PTPRN2: variants seen among roughly 807,000 people sequenced by gnomAD.
PTPRN2 encodes the protein receptor-type tyrosine-protein phosphatase N2.
PTPRN2 carries 74 observed loss-of-function variants against 118.8 expected under a neutral mutation model. The observed-to-expected ratio is 0.62, with a 90% CI of 0.52 to 0.76. The LOEUF is 0.76. Ranked by LOEUF, PTPRN2 falls within the 30% of genes least tolerant of loss-of-function variation. The probability of loss-of-function intolerance (pLI) is 0.00; values close to 1 mark genes in which losing one functional copy is unlikely to be tolerated. For synonymous variants in PTPRN2, 641 were observed against 608.0 expected (o/e 1.05, Z -0.80); for missense variants, 1,481 against 1,394.4 (o/e 1.06, Z -0.99).
At chr7:158,528,497 G>T (rs546419272) in intron 1 of PTPRN2, among the ~76,000 whole-genome samples, 1 of 152,044 alleles carries the variant, frequency 6.6e-6, no homozygotes, top group African/African-American at 2.4e-5. Context: ...TTAGAACCAC[G>T]CATGCTGGGC....
rs1803519169 is a variant in PTPRN2, at chr7:157,779,078, C to T, written c.1789-96141G>A. Reference sequence around the variant, plus strand: ...TGCCGGGGTCTTCAGACAGTGCCCTCCCTGGGGTCTTGGGACCCTCAAGCA... The same window carrying T: ...TGCCGGGGTCTTCAGACAGTGCCCTTCCTGGGGTCTTGGGACCCTCAAGCA... On this transcript the variant is annotated intron_variant, in intron 12 of 22. Coordinates refer to ENST00000389418, the MANE Select transcript of PTPRN2 (RefSeq NM_002847.5). The surrounding 1 kb of genome is among the most constrained non-coding windows in gnomAD (Gnocchi z 4.7). Among the ~76,000 whole-genome samples, 1 of 152,220 alleles carries T rather than the reference C, an allele frequency of 6.6e-6. No individual in the cohort carries two copies. The highest frequency in any genetic ancestry group is 2.1e-4 in the South Asian group (1 of 4,828).
intron 10 of PTPRN2, among the ~76,000 whole-genome samples, chr7:158,084,014 C>T (rs1813052721): frequency 6.6e-6 from 1 of 150,572 alleles, no homozygotes; most frequent in South Asian, 2.1e-4. Context: ...TGTTCTGTGG[C>T]CCTCCTGGGC....
intron 3 of PTPRN2, among the ~76,000 whole-genome samples, chr7:158,248,693 C>T (rs959198438): frequency 4.8e-5 from 7 of 145,774 alleles, no homozygotes; most frequent in East Asian, 2.1e-4. Context: ...ACACCACACA[C>T]GTGCACACAC....
At chr7:157,577,967 G>A in intron 18 of PTPRN2, 54 bp downstream of exon 18, 3 of 1,511,388 alleles carry the variant, frequency 2.0e-6, no homozygotes, top group South Asian at 2.6e-5. Context: ...GAGGAGCAGG[G>A]CCCGTCCTCG....
chr7:157,709,747 C>T (rs2150885026), intron 12 of PTPRN2, among the ~76,000 whole-genome samples: 1 of 152,334 alleles, frequency 6.6e-6, no homozygotes, highest in South Asian at 2.1e-4. Flanking sequence ...CTTCTGAAGT[C>T]CCAGAGCACT....
At chr7:158,445,073 G>A (rs998050647) in intron 2 of PTPRN2, among the ~76,000 whole-genome samples, 2 of 152,164 alleles carry the variant, frequency 1.3e-5, no homozygotes, top group African/African-American at 4.8e-5. Flanking sequence ...CAGGAGGGCT[G>A]GGGAGAGCTG....
rs1827928327 is a variant in PTPRN2, at chr7:158,570,189, C to A, written c.112+17369G>T. Among the ~76,000 whole-genome samples, 2 of 152,178 alleles carry A rather than the reference C, an allele frequency of 1.3e-5. No homozygotes were observed. The highest frequency in any genetic ancestry group is 6.5e-5 in the Admixed American group (1 of 15,284). On this transcript the variant is annotated intron_variant, in intron 1 of 22. Transcript: ENST00000389418. This position sits in a 1 kb window ranked among gnomAD's most constrained non-coding sequence, Gnocchi z 4.5. ...CCTGGGCAGCCAGGCGGGGAGCGCGCAGCCACAGCCCGCGTTTCCGGGCTC... is the reference window on the plus strand; with the variant it reads ...CCTGGGCAGCCAGGCGGGGAGCGCGAAGCCACAGCCCGCGTTTCCGGGCTC...
At chr7:158,283,876 G>A (rs1039856598) in intron 3 of PTPRN2, among the ~76,000 whole-genome samples, 9 of 152,260 alleles carry the variant, frequency 5.9e-5, no homozygotes, top group South Asian at 4.2e-4. Flanking sequence ...TCACCACGTC[G>A]TTCAGAATCG....
rs956421246 is a variant in PTPRN2 at position 157,977,499 on chromosome 7, G to C, written c.1724-78762C>G. Among the ~76,000 whole-genome samples, 10 of 152,014 alleles carry C rather than the reference G, an allele frequency of 6.6e-5. No individual in the cohort carries two copies. The East Asian group carries it at 1.2e-3, about 18-fold the overall frequency. On this transcript the variant is annotated intron_variant, in intron 11 of 22. Coordinates refer to ENST00000389418, the MANE Select transcript of PTPRN2 (RefSeq NM_002847.5). The surrounding 1 kb of genome is among the most constrained non-coding windows in gnomAD (Gnocchi z 4.6). The stretch of plus-strand genomic sequence containing the variant: ...TGTGGGATTGTGCCTGGCAGGTGGA[G>C]GGCCCAGAGCGTGCAAGGCCCCAGG...
chr7:158,071,701 TG>T (rs1363601304), intron 11 of PTPRN2, among the ~76,000 whole-genome samples: 15 of 140,152 alleles, frequency 1.1e-4, no homozygotes, highest in East Asian at 2.2e-4. Context: ...GTGCTTGTGG[TG>T]GAGGTGCTCC....
chr7:157,555,893 C>T (rs1486665962), intron 21 of PTPRN2, among the ~76,000 whole-genome samples: 1 of 152,188 alleles, frequency 6.6e-6, no homozygotes, highest in Admixed American at 6.5e-5. Flanking sequence ...TTCCCGTGCC[C>T]CAGGAGCGCA....
rs1239252474 is a variant in PTPRN2 at position 157,598,200 on chromosome 7, C to T, written c.2419-2885G>A. ...GTGGGTGTGTGTCCCTCTGTCTTCCCCACCCAGCGATCACACGGCACCTAC... is the reference window on the plus strand; with the variant it reads ...GTGGGTGTGTGTCCCTCTGTCTTCCTCACCCAGCGATCACACGGCACCTAC... On this transcript the variant is annotated intron_variant, in intron 16 of 22. Transcript: ENST00000389418. This position sits in a 1 kb window ranked among gnomAD's most constrained non-coding sequence, Gnocchi z 5.2. 6.6e-6 allele frequency among the ~76,000 whole-genome samples: 1 copy of T among 152,216 alleles called. No homozygotes were observed. Among genetic ancestry groups the T allele is most frequent in the Non-Finnish European group, 1.5e-5 (1 of 68,046 alleles).
chr7:158,404,844 C>T (rs1247067048), intron 2 of PTPRN2, among the ~76,000 whole-genome samples: 67 of 138,100 alleles, frequency 4.9e-4, no homozygotes, highest in African/African-American at 1.8e-3. Context: ...CCCCAGCTCC[C>T]CGGCCTCCAG....
At chr7:157,668,602 C>T (rs973014186) in intron 13 of PTPRN2, among the ~76,000 whole-genome samples, 5 of 152,222 alleles carry the variant, frequency 3.3e-5, no homozygotes, top group African/African-American at 9.7e-5. Flanking sequence ...ACCAAGAGAA[C>T]GTGGTGAACG....
chr7:158,005,990 G>A (rs568367520), intron 11 of PTPRN2, among the ~76,000 whole-genome samples: 1 of 152,342 alleles, frequency 6.6e-6, no homozygotes, highest in East Asian at 1.9e-4. Flanking sequence ...TCTTTGGAAT[G>A]CTCATGTCAA....
chr7:158,448,536 A>T (rs1467177549), intron 2 of PTPRN2, among the ~76,000 whole-genome samples: 1 of 152,100 alleles, frequency 6.6e-6, no homozygotes, highest in Non-Finnish European at 1.5e-5. Flanking sequence ...CTGAGTCTTC[A>T]CTGGCGCCTG....
intron 2 of PTPRN2, among the ~76,000 whole-genome samples, chr7:158,376,277 C>T (rs971007090): frequency 6.6e-6 from 1 of 151,932 alleles, no homozygotes; most frequent in Non-Finnish European, 1.5e-5. Flanking sequence ...TCCCCCACAG[C>T]CCTGTCACAC....
chr7:158,109,447 C>T lies in PTPRN2; in HGVS notation c.1643+1382G>A, dbSNP rs186563630. Among the ~76,000 whole-genome samples the T allele has an allele frequency of 4.6e-5, 7 of 151,690 alleles. No individual in the cohort carries two copies. The East Asian group carries it at 1.4e-3, about 30-fold the overall frequency. ...GACTCTGTGAGTGAATGATGTCACC[C>T]CATATGTGAAAGAGACAGTGAGTGA... On this transcript the variant is annotated intron_variant, in intron 10 of 22. Coordinates refer to ENST00000389418, the MANE Select transcript of PTPRN2 (RefSeq NM_002847.5).
intron 2 of PTPRN2, among the ~76,000 whole-genome samples, chr7:158,472,790 G>T (rs1347693958): frequency 1.3e-5 from 2 of 152,188 alleles, no homozygotes; most frequent in African/African-American, 4.8e-5. Flanking sequence ...GCATGCAAGG[G>T]CCCGAGAGCT....
Sources: allele counts gnomAD v4.1 joint callset (sites outside exome capture counted in the v4.1 genomes callset), GRCh38; gene constraint gnomAD v4.1.1; non-coding constraint Gnocchi (gnomAD v3.1); transcripts MANE v1.5; gene names NCBI Gene and HGNC (gene_info 2026-07-23, HGNC 2026-07-21).